The following KCNQ1 variants were observed in gnomAD, a reference collection of about 807,000 sequenced individuals.
KCNQ1 encodes potassium voltage-gated channel subfamily Q member 1.
A neutral mutation model predicts 72.4 loss-of-function variants in KCNQ1; 49 were observed. The observed-to-expected ratio is 0.68, with a 90% CI of 0.54 to 0.86. The LOEUF (loss-of-function observed/expected upper bound fraction) is 0.86. Ranked by LOEUF, KCNQ1 falls within the 40% of genes least tolerant of loss-of-function variation. The pLI, the probability that KCNQ1 is intolerant of heterozygous loss-of-function variation, is 0.00. For synonymous variants in KCNQ1, 450 were observed against 412.6 expected (o/e 1.09, Z -1.10); for missense variants, 790 against 945.1 (o/e 0.84, Z 2.15).
chr11:2,839,558 G>A (rs1206274674), intron 15 of KCNQ1, among the ~76,000 whole-genome samples: 1 of 152,184 alleles, frequency 6.6e-6, no homozygotes, highest in Non-Finnish European at 1.5e-5. Context: ...CTATGACGAG[G>A]TGAGGGCTGA....
At chr11:2,639,969 A>C (rs1849544726) in intron 10 of KCNQ1, 1 of 153,960 alleles carries the variant, frequency 6.5e-6, no homozygotes, top group East Asian at 1.9e-4. Context: ...CTGTGCTAGC[A>C]ATGAGCGAGG....
intron 1 of KCNQ1, among the ~76,000 whole-genome samples, chr11:2,513,029 A>C (rs1054404883): frequency 6.6e-6 from 1 of 152,112 alleles, no homozygotes; most frequent in Non-Finnish European, 1.5e-5. Context: ...GAGGCTGCTC[A>C]AGCCCCGGCC....
chr11:2,690,305 T>C lies in KCNQ1; in HGVS notation c.1514+28224T>C, dbSNP rs935418723. On this transcript the variant is annotated intron_variant, in intron 11 of 15. Transcript: ENST00000155840. This position sits in a 1 kb window ranked among gnomAD's most constrained non-coding sequence, Gnocchi z 5.1. ...TGTAGTGTCTTCCTCCCTGTAGGAT[T>C]GTCACAAGGATTAAATGATGTCAAG... 16 of 398,568 alleles carry C rather than the reference T, an allele frequency of 4.0e-5. No homozygotes were observed. The highest frequency in any genetic ancestry group is 3.3e-4 in the African/African-American group (16 of 48,638). 24.7% of individuals were successfully genotyped at this position (398,568 alleles called of 1,614,324 possible). A position where few individuals can be genotyped will look rare whatever the true frequency, so the allele number is the denominator to read the frequency against.
In KCNQ1 at chr11:2,750,413, C is replaced by G. The variant is rs908969095; in HGVS notation, c.1515-18431C>G. Among the ~76,000 whole-genome samples, 5 of 152,128 alleles carry G rather than the reference C, an allele frequency of 3.3e-5. No individual in the cohort carries two copies. Among genetic ancestry groups the G allele is most frequent in the Non-Finnish European group, 4.4e-5 (3 of 68,018 alleles). On this transcript the variant is annotated intron_variant, in intron 11 of 15. Transcript: ENST00000155840. The surrounding 1 kb of genome is among the most constrained non-coding windows in gnomAD (Gnocchi z 6.3). ...GGCCTTCCTTAGGGGCCCTGGGGAGCCTTCCCAGCAGAATGTCCAGGCTCC... is the reference window on the plus strand; with the variant it reads ...GGCCTTCCTTAGGGGCCCTGGGGAGGCTTCCCAGCAGAATGTCCAGGCTCC...
intron 6 of KCNQ1, among the ~76,000 whole-genome samples, chr11:2,576,155 G>T (rs961603040): frequency 8.5e-5 from 13 of 152,200 alleles, no homozygotes; most frequent in African/African-American, 3.1e-4. Context: ...TATGAATTAG[G>T]GGGGATGCAG....
chr11:2,521,548 C>T (rs910847774), intron 1 of KCNQ1: 17 of 470,630 alleles, frequency 3.6e-5, no homozygotes, highest in Admixed American at 9.4e-5. Flanking sequence ...TTACACGCCC[C>T]GGGGTTTCAG....
rs1849885508 is a variant in KCNQ1, at chr11:2,658,148, A to T, written c.1394-3813A>T. 5.0e-6 allele frequency: 2 copies of T among 398,522 alleles called. No individual in the cohort carries two copies. Among genetic ancestry groups the T allele is most frequent in the Non-Finnish European group, 8.8e-6 (2 of 226,064 alleles). 24.7% of individuals were successfully genotyped at this position (398,522 alleles called of 1,614,324 possible). On this transcript the variant is annotated intron_variant, in intron 10 of 15. Coordinates refer to ENST00000155840, the MANE Select transcript of KCNQ1 (RefSeq NM_000218.3). The surrounding 1 kb of genome is among the most constrained non-coding windows in gnomAD (Gnocchi z 4.9). Reference sequence around the variant, plus strand: ...CAAATATGTTAAAACTACCACAGCAATTAAAATACATTTCAAGGAAGAAAC... The same window carrying T: ...CAAATATGTTAAAACTACCACAGCATTTAAAATACATTTCAAGGAAGAAAC...
Position 2,715,703 on chromosome 11 carries a change from G to A in KCNQ1, c.1515-53141G>A, listed in dbSNP as rs1054147388. ...GAAGGGGAACCAGCAAAGGGGGTATGGGGAGCCCTCTGGGGCACCCTCATA... is the reference window on the plus strand; with the variant it reads ...GAAGGGGAACCAGCAAAGGGGGTATAGGGAGCCCTCTGGGGCACCCTCATA... On this transcript the variant is annotated intron_variant, in intron 11 of 15. Transcript: ENST00000155840. This position sits in a 1 kb window ranked among gnomAD's most constrained non-coding sequence, Gnocchi z 4.9. Among the ~76,000 whole-genome samples the A allele has an allele frequency of 2.0e-5, 3 of 152,204 alleles. No homozygotes were observed. Among genetic ancestry groups the A allele is most frequent in the Admixed American group, 6.5e-5 (1 of 15,290 alleles).
chr11:2,728,570 C>A (rs1023496793), intron 11 of KCNQ1, among the ~76,000 whole-genome samples: 1 of 152,248 alleles, frequency 6.6e-6, no homozygotes, highest in Admixed American at 6.5e-5. Context: ...CTGGCACAGC[C>A]CACCAGCAGA....
chr11:2,604,852 C>A (rs994934181), intron 10 of KCNQ1, among the ~76,000 whole-genome samples: 29 of 152,158 alleles, frequency 1.9e-4, no homozygotes, highest in Non-Finnish European at 7.4e-5. Context: ...CGATAACTAT[C>A]TTTTTGAAGA....
Position 2,445,500 on chromosome 11 carries a change from G to A in KCNQ1, c.386+16G>A. ...ACTTCGCCGTGTGAGTATCGCCACC[G>A]GCGACGGCCGGCACGAAGGTGCTTC... On this transcript the variant is annotated intron_variant, in intron 1 of 15. Coordinates refer to ENST00000155840, the MANE Select transcript of KCNQ1 (RefSeq NM_000218.3). The A allele has an allele frequency of 1.3e-6, 2 of 1,588,742 alleles. No individual in the cohort carries two copies. Among genetic ancestry groups the A allele is most frequent in the Non-Finnish European group, 1.7e-6 (2 of 1,175,972 alleles).
rs1020339644 is a variant in KCNQ1, at chr11:2,827,544, G to A, written c.1795-20223G>A. On this transcript the variant is annotated intron_variant, in intron 15 of 15. Transcript: ENST00000155840. This position sits in a 1 kb window ranked among gnomAD's most constrained non-coding sequence, Gnocchi z 6.7. ...CCGCCGGAATGTGACGCACGCCTGA[G>A]TCGCTGCAAGGGCCCCTGGGGACGG... Among the ~76,000 whole-genome samples the A allele has an allele frequency of 2.6e-5, 4 of 151,026 alleles. No individual in the cohort carries two copies. Among genetic ancestry groups the A allele is most frequent in the Non-Finnish European group, 4.4e-5 (3 of 67,854 alleles).
At chr11:2,717,744 G>A (rs1851117434) in intron 11 of KCNQ1, among the ~76,000 whole-genome samples, 1 of 152,220 alleles carries the variant, frequency 6.6e-6, no homozygotes, top group Non-Finnish European at 1.5e-5. Flanking sequence ...CCGCAGGGCA[G>A]CACTGGGGAG....
At position 2,518,920 on chromosome 11, in the gene KCNQ1, G is replaced by A. The variant is rs1231137930; in HGVS notation, c.387-9008G>A. Among the ~76,000 whole-genome samples, 5 of 152,338 alleles carry A rather than the reference G, an allele frequency of 3.3e-5. No individual in the cohort carries two copies. The East Asian group carries it at 9.6e-4, about 29-fold the overall frequency. ...TGGTGGGGAGGCGTCCATTCACCCG[G>A]AGCTGGACGGGGAGGACCAGGCTGT... On this transcript the variant is annotated intron_variant, in intron 1 of 15. Transcript: ENST00000155840.
rs536073935 is a variant in KCNQ1, at chr11:2,816,611, G to A, written c.1795-31156G>A. Among the ~76,000 whole-genome samples, 1 of 152,278 alleles carries A rather than the reference G, an allele frequency of 6.6e-6. No homozygotes were observed. The highest frequency in any genetic ancestry group is 2.4e-5 in the African/African-American group (1 of 41,562). ...ATATGATGAGGGGCTGGAGGCAGCAGAAAGGGGGCTATAGGACCCTTTGAC... is the reference window on the plus strand; with the variant it reads ...ATATGATGAGGGGCTGGAGGCAGCAAAAAGGGGGCTATAGGACCCTTTGAC... On this transcript the variant is annotated intron_variant, in intron 15 of 15. Transcript: ENST00000155840. This position sits in a 1 kb window ranked among gnomAD's most constrained non-coding sequence, Gnocchi z 6.8.
chr11:2,708,888 G>A (rs1339014036), intron 11 of KCNQ1, among the ~76,000 whole-genome samples: 2 of 152,028 alleles, frequency 1.3e-5, no homozygotes, highest in Non-Finnish European at 2.9e-5. Flanking sequence ...TTACGTCTGC[G>A]GCAAAGCACC....
intron 10 of KCNQ1, among the ~76,000 whole-genome samples, chr11:2,605,262 G>A (rs1369251668): frequency 6.6e-6 from 1 of 152,076 alleles, no homozygotes; most frequent in African/African-American, 2.4e-5. Flanking sequence ...TCTTTAAGGT[G>A]TCTTTTGAAG....
intron 2 of KCNQ1, among the ~76,000 whole-genome samples, chr11:2,558,026 A>C (rs997508084): frequency 6.6e-6 from 1 of 152,268 alleles, no homozygotes; most frequent in Admixed American, 6.5e-5. Context: ...TGATTAAAAG[A>C]TTGGGGAAGA....
At position 2,687,913 on chromosome 11, in the gene KCNQ1, A is replaced by C. The variant is rs1481610149; in HGVS notation, c.1514+25832A>C. On this transcript the variant is annotated intron_variant, in intron 11 of 15. Transcript: ENST00000155840. The surrounding 1 kb of genome is among the most constrained non-coding windows in gnomAD (Gnocchi z 5.0). The stretch of plus-strand genomic sequence containing the variant: ...AATCCTGGTGGGATGGAAAATCCCC[A>C]GCAGTTGTGAGGCTGCACTTCTCCC... 2.5e-6 allele frequency: 1 copy of C among 398,628 alleles called. No individual in the cohort carries two copies. Among genetic ancestry groups the C allele is most frequent in the Non-Finnish European group, 4.4e-6 (1 of 226,152 alleles). 24.7% of individuals were successfully genotyped at this position (398,628 alleles called of 1,614,324 possible).
Sources: allele counts gnomAD v4.1 joint callset (sites outside exome capture counted in the v4.1 genomes callset), GRCh38; gene constraint gnomAD v4.1.1; non-coding constraint Gnocchi (gnomAD v3.1); transcripts MANE v1.5; gene names NCBI Gene and HGNC (gene_info 2026-07-23, HGNC 2026-07-21).